PRELID2: variants seen among roughly 807,000 people sequenced by gnomAD.
The protein encoded by PRELID2 is PRELI domain containing 2.
A neutral mutation model predicts 28.4 loss-of-function variants in PRELID2; 25 were observed. That is an observed-to-expected ratio of 0.88 (90% CI 0.64 to 1.23). The LOEUF is 1.23. Ranked by LOEUF, PRELID2 falls within the 50% of genes most tolerant of loss-of-function variation. The pLI, the probability that PRELID2 is intolerant of heterozygous loss-of-function variation, is 0.00. For synonymous variants in PRELID2, 76 were observed against 71.6 expected (o/e 1.06, Z -0.31); for missense variants, 201 against 214.4 (o/e 0.94, Z 0.39).
At chr5:145,674,381 C>T (rs756779012) in intron 1 of PRELID2, among the ~76,000 whole-genome samples, 6 of 150,468 alleles carry the variant, frequency 4.0e-5, no homozygotes, top group South Asian at 2.1e-4. Context: ...AATGTGGTAT[C>T]GGTATTTGAA....
intron 1 of PRELID2, among the ~76,000 whole-genome samples, chr5:145,595,589 C>T (rs571226733): frequency 2.7e-4 from 41 of 152,220 alleles, no homozygotes; most frequent in African/African-American, 8.9e-4. Flanking sequence ...ATACCCTGGT[C>T]GTTAATGAAT....
downstream of PRELID2, among the ~76,000 whole-genome samples, chr5:145,467,735 CTCAA>C (rs950538897): frequency 2.7e-5 from 4 of 150,584 alleles, no homozygotes; most frequent in African/African-American, 9.7e-5. Flanking sequence ...CATTTCTATT[CTCAA>C]TCATTCTACC....
In PRELID2 at chr5:145,634,974, A is replaced by G. The variant is rs141081027; in HGVS notation, n.70+129957T>C. Among the ~76,000 whole-genome samples the G allele has an allele frequency of 4.9e-4, 75 of 152,212 alleles. No homozygotes were observed. The East Asian group carries it at 0.013, about 27-fold the overall frequency. On this transcript the variant is annotated intron_variant and non_coding_transcript_variant, in intron 1 of 2. Coordinates refer to the PRELID2 transcript ENST00000510259. Reference sequence around the variant, plus strand: ...AGCCAGTCACAGTTAACCATCCCCTATTTCCAACCCATGCTCCACACAGTC... The same window carrying G: ...AGCCAGTCACAGTTAACCATCCCCTGTTTCCAACCCATGCTCCACACAGTC...
intron 1 of PRELID2, among the ~76,000 whole-genome samples, chr5:145,679,229 G>T (rs1754884206): frequency 2.6e-5 from 4 of 152,114 alleles, no homozygotes; most frequent in Admixed American, 2.6e-4. Context: ...TTGGGCTGAG[G>T]AATCTTCCAC....
intron 1 of PRELID2, among the ~76,000 whole-genome samples, chr5:145,649,754 T>G (rs1293896596): frequency 6.6e-6 from 1 of 152,196 alleles, no homozygotes; most frequent in African/African-American, 2.4e-5. Flanking sequence ...GATTTTTTCA[T>G]AGTTTCCAAT....
At chr5:145,579,305 A>C (rs754552017) in intron 1 of PRELID2, among the ~76,000 whole-genome samples, 2 of 152,132 alleles carry the variant, frequency 1.3e-5, no homozygotes, top group Non-Finnish European at 2.9e-5. Flanking sequence ...ATTCTTGTAA[A>C]TTATTAGCCT....
chr5:145,561,242 C>T (rs749932329), intron 1 of PRELID2, among the ~76,000 whole-genome samples: 1 of 152,150 alleles, frequency 6.6e-6, no homozygotes, highest in Non-Finnish European at 1.5e-5. Flanking sequence ...AATGCAAATA[C>T]ATATTAACTT....
the PRELID2 span, among the ~76,000 whole-genome samples, chr5:145,452,390 G>A: frequency 6.6e-6 from 1 of 151,938 alleles, no homozygotes; most frequent in Admixed American, 6.6e-5. Context: ...TCTTCTCCAA[G>A]CTTCCACACA....
In PRELID2 at chr5:145,802,289, G is replaced by A. The variant is rs138144598; in HGVS notation, c.369-5742C>T. 2.2e-3 allele frequency among the ~76,000 whole-genome samples: 334 copies of A among 152,290 alleles called. 2 individuals carry two copies. Among genetic ancestry groups the A allele is most frequent in the African/African-American group, 7.2e-3 (301 of 41,560 alleles). ...TGTAACCAGATATATATGTGCACAAGTATCTCTGGAGTATCCAGCAGTCAA... is the reference window on the plus strand; with the variant it reads ...TGTAACCAGATATATATGTGCACAAATATCTCTGGAGTATCCAGCAGTCAA... On this transcript the variant is annotated intron_variant, in intron 4 of 6. Coordinates refer to ENST00000683046, the MANE Select transcript of PRELID2 (RefSeq NM_205846.3).
the PRELID2 span, among the ~76,000 whole-genome samples, chr5:145,397,318 G>A: frequency 6.6e-6 from 1 of 152,118 alleles, no homozygotes; most frequent in Non-Finnish European, 1.5e-5. Flanking sequence ...AGACTCAGGA[G>A]AATCTCCCAG....
At chr5:145,647,535 C>CGACA (rs1754219506) in intron 1 of PRELID2, among the ~76,000 whole-genome samples, 1 of 152,150 alleles carries the variant, frequency 6.6e-6, no homozygotes, top group African/African-American at 2.4e-5. Context: ...GTGAACGGTT[C>CGACA]TGTCTCACTG....
intron 5 of PRELID2, among the ~76,000 whole-genome samples, chr5:145,773,542 T>C (rs544223004): frequency 2.6e-4 from 39 of 152,372 alleles, no homozygotes; most frequent in African/African-American, 9.4e-4. Context: ...ATCTGTTGCC[T>C]GCTGGAAACC....
At chr5:145,814,285 C>T (rs941917328) in intron 4 of PRELID2, among the ~76,000 whole-genome samples, 4 of 152,232 alleles carry the variant, frequency 2.6e-5, no homozygotes, top group African/African-American at 7.2e-5. Flanking sequence ...AAGGCTAACA[C>T]GAAGTAGATG....
At chr5:145,817,446 T>TCA (rs1554099475) in intron 4 of PRELID2, among the ~76,000 whole-genome samples, 3,299 of 140,262 alleles carry the variant, frequency 0.024, 158 homozygotes, top group South Asian at 0.03. Context: ...TATATATATA[T>TCA]ATCACATGGT....
At chr5:145,615,233 C>T (rs1352774360) in intron 1 of PRELID2, among the ~76,000 whole-genome samples, 8 of 151,902 alleles carry the variant, frequency 5.3e-5, no homozygotes, top group African/African-American at 1.5e-4. Context: ...TACCCCTGCT[C>T]GCTTTTGGTC....
intron 1 of PRELID2, among the ~76,000 whole-genome samples, chr5:145,486,630 T>C (rs1190867619): frequency 1.3e-5 from 2 of 152,118 alleles, no homozygotes; most frequent in Non-Finnish European, 2.9e-5. Context: ...GCATGTGCTG[T>C]CAGTAAGTAT....
intron 1 of PRELID2, among the ~76,000 whole-genome samples, chr5:145,564,960 G>A (rs542997078): frequency 4.6e-5 from 7 of 152,192 alleles, no homozygotes; most frequent in Admixed American, 1.3e-4. Flanking sequence ...ACCCTGCTTC[G>A]GCTCACCCTC....
chr5:145,635,731 C>T lies in PRELID2; in HGVS notation n.70+129200G>A, dbSNP rs116546568. Among the ~76,000 whole-genome samples, 196 of 152,284 alleles carry T rather than the reference C, an allele frequency of 1.3e-3. 2 individuals are homozygous for T. The highest frequency in any genetic ancestry group is 4.6e-3 in the African/African-American group (190 of 41,564). ...AAGCCTGGCTTTCCACAAGGTCCTT[C>T]GATGTTTGAAATAAATCAGACCTAC... On this transcript the variant is annotated intron_variant and non_coding_transcript_variant, in intron 1 of 2. Coordinates refer to the PRELID2 transcript ENST00000510259.
intron 1 of PRELID2, among the ~76,000 whole-genome samples, chr5:145,674,632 C>T (rs1393808623): frequency 6.6e-6 from 1 of 151,974 alleles, no homozygotes; most frequent in African/African-American, 2.4e-5. Context: ...ATATAAATTC[C>T]AAATGTGTCA....
Sources: gnomAD v4.1 joint callset for allele counts (sites outside exome capture counted in the v4.1 genomes callset) on GRCh38, gnomAD v4.1.1 for gene constraint, MANE v1.5 for transcripts, NCBI Gene and HGNC (gene_info 2026-07-23, HGNC 2026-07-21) for gene names.